Variants in ATXN7L1 observed in about 807,000 individuals in gnomAD.
ATXN7L1 encodes the protein ataxin 7 like 1, also known as ataxin-7-like protein 1.
A neutral mutation model predicts 70.8 loss-of-function variants in ATXN7L1; 15 were observed. The ratio of observed to expected loss-of-function variants is 0.21; its 90% CI spans 0.14 to 0.33. The LOEUF (loss-of-function observed/expected upper bound fraction) is 0.33, where lower values mean the gene tolerates loss of function less well. Among genes scored for constraint, ATXN7L1 ranks in the 10% least tolerant of loss-of-function variants. ATXN7L1 has a pLI of 1.00. For synonymous variants in ATXN7L1, 440 were observed against 445.1 expected (o/e 0.99, Z 0.14); for missense variants, 975 against 1,097.1 (o/e 0.89, Z 1.57).
intron 2 of ATXN7L1, among the ~76,000 whole-genome samples, chr7:105,813,337 T>TTC (rs1281278807): frequency 1.3e-4 from 19 of 148,590 alleles, no homozygotes; most frequent in Non-Finnish European, 1.0e-4. Flanking sequence ...AATCTACAAT[T>TTC]TTTTTTTTTT....
chr7:105,795,798 C>G (rs1371929981), intron 2 of ATXN7L1, among the ~76,000 whole-genome samples: 1 of 152,156 alleles, frequency 6.6e-6, no homozygotes, highest in East Asian at 1.9e-4. Context: ...ACCTTAAATT[C>G]TAGTTTCTTG....
intron 4 of ATXN7L1, among the ~76,000 whole-genome samples, chr7:105,652,253 C>A (rs1309302732): frequency 6.6e-6 from 1 of 152,160 alleles, no homozygotes; most frequent in Non-Finnish European, 1.5e-5. Context: ...TTAAGGATAA[C>A]CCTAGACCTA....
At chr7:105,687,102 T>C (rs2116180868) in intron 3 of ATXN7L1, among the ~76,000 whole-genome samples, 1 of 152,352 alleles carries the variant, frequency 6.6e-6, no homozygotes, top group East Asian at 1.9e-4. Context: ...TCATAGCCAC[T>C]GATGACTTTT....
At chr7:105,804,123 C>G (rs1010795631) in intron 2 of ATXN7L1, among the ~76,000 whole-genome samples, 13 of 152,226 alleles carry the variant, frequency 8.5e-5, no homozygotes, top group African/African-American at 3.1e-4. Flanking sequence ...GGGTGCCCAG[C>G]TTCCTTTCTG....
chr7:105,664,405 C>T (rs938860324), intron 4 of ATXN7L1, among the ~76,000 whole-genome samples: 6 of 150,620 alleles, frequency 4.0e-5, no homozygotes, highest in African/African-American at 1.5e-4. Context: ...CCCCGTCAGG[C>T]ATACGGTATA....
At chr7:105,703,203 C>T (rs561205174) in intron 3 of ATXN7L1, among the ~76,000 whole-genome samples, 1 of 151,724 alleles carries the variant, frequency 6.6e-6, no homozygotes, top group Non-Finnish European at 1.5e-5. Context: ...ACTCAGGAGG[C>T]TGCAGAAGGG....
chr7:105,867,561 T>C (rs1381860136), intron 2 of ATXN7L1, among the ~76,000 whole-genome samples: 1 of 152,146 alleles, frequency 6.6e-6, no homozygotes, highest in Non-Finnish European at 1.5e-5. Flanking sequence ...CTTGGGAACT[T>C]TGGGAGGAGG....
intron 3 of ATXN7L1, among the ~76,000 whole-genome samples, chr7:105,726,871 C>G (rs926294460): frequency 1.3e-5 from 2 of 152,188 alleles, no homozygotes; most frequent in African/African-American, 4.8e-5. Flanking sequence ...GCATCACTGA[C>G]TGAAAGCTGG....
At chr7:105,710,247 G>A (rs578009533) in intron 3 of ATXN7L1, among the ~76,000 whole-genome samples, 1 of 152,244 alleles carries the variant, frequency 6.6e-6, no homozygotes, top group South Asian at 2.1e-4. Context: ...GAAGAAAAGA[G>A]GTTTAATTGA....
chr7:105,684,868 T>TCAC (rs1159426191), intron 3 of ATXN7L1, among the ~76,000 whole-genome samples: 1 of 152,154 alleles, frequency 6.6e-6, no homozygotes, highest in African/African-American at 2.4e-5. Context: ...GGCAGGTGTC[T>TCAC]CACGTGGCCC....
intron 2 of ATXN7L1, among the ~76,000 whole-genome samples, chr7:105,854,025 C>G (rs1457281398): frequency 6.6e-6 from 1 of 152,154 alleles, no homozygotes; most frequent in Non-Finnish European, 1.5e-5. Context: ...GGTGCCACAT[C>G]GATTTAAACA....
intron 2 of ATXN7L1, among the ~76,000 whole-genome samples, chr7:105,806,729 C>A (rs959448348): frequency 6.6e-6 from 1 of 152,012 alleles, no homozygotes; most frequent in Non-Finnish European, 1.5e-5. Context: ...CTGAGAGGAA[C>A]GCTCGCAGAG....
chr7:105,777,076 G>A (rs1380288661), intron 3 of ATXN7L1, among the ~76,000 whole-genome samples: 1 of 152,190 alleles, frequency 6.6e-6, no homozygotes, highest in African/African-American at 2.4e-5. Flanking sequence ...AGTGCTCCCT[G>A]GTGGGACTCA....
chr7:105,810,557 G>A (rs965894486), intron 2 of ATXN7L1, among the ~76,000 whole-genome samples: 1 of 152,254 alleles, frequency 6.6e-6, no homozygotes, highest in Non-Finnish European at 1.5e-5. Context: ...AAGAAGGTGA[G>A]AAGGTAGATT....
chr7:105,679,626 G>A (rs552796392), intron 3 of ATXN7L1, among the ~76,000 whole-genome samples: 1 of 152,276 alleles, frequency 6.6e-6, no homozygotes, highest in East Asian at 1.9e-4. Context: ...TAGAAAGTTT[G>A]GTCCCTGATC....
At chr7:105,761,924 T>C (rs983007585) in intron 3 of ATXN7L1, among the ~76,000 whole-genome samples, 1 of 152,220 alleles carries the variant, frequency 6.6e-6, no homozygotes, top group Non-Finnish European at 1.5e-5. Context: ...AAATCATCAG[T>C]AAGTTTGATT....
chr7:105,815,297 G>A (rs1248131758), intron 2 of ATXN7L1, among the ~76,000 whole-genome samples: 3 of 152,192 alleles, frequency 2.0e-5, no homozygotes, highest in African/African-American at 7.2e-5. Context: ...GAAAAGGTAT[G>A]TACACTGCAG....
At chr7:105,695,473 C>T (rs538577615) in intron 3 of ATXN7L1, among the ~76,000 whole-genome samples, 4 of 152,260 alleles carry the variant, frequency 2.6e-5, no homozygotes, top group African/African-American at 9.6e-5. Context: ...GGAAAACAAT[C>T]GTCTTGATCC....
intron 3 of ATXN7L1, chr7:105,760,345 C>T: frequency 2.2e-6 from 2 of 914,572 alleles, no homozygotes; most frequent in Non-Finnish European, 1.3e-6. Flanking sequence ...GTTAGGATCC[C>T]CATTATTTTA....
Sources: gnomAD v4.1 joint callset for allele counts (sites outside exome capture counted in the v4.1 genomes callset) on GRCh38, gnomAD v4.1.1 for gene constraint, MANE v1.5 for transcripts, NCBI Gene and HGNC (gene_info 2026-07-23, HGNC 2026-07-21) for gene names.